Variants in ENOSF1 observed in about 807,000 individuals in gnomAD.
ENOSF1 encodes mitochondrial enolase superfamily member 1.
In ENOSF1, 73 loss-of-function variants were observed where a neutral mutation model predicts 68.2. That is an observed-to-expected ratio of 1.07 (90% CI 0.89 to 1.30). ENOSF1 has a LOEUF of 1.30. ENOSF1 is among the 50% of genes most tolerant of loss of function. The pLI is 0.00. For synonymous variants in ENOSF1, 223 were observed against 210.4 expected (o/e 1.06, Z -0.52); for missense variants, 589 against 554.5 (o/e 1.06, Z -0.62).
chr18:710,575 C>T (rs754191405), intron 1 of ENOSF1, among the ~76,000 whole-genome samples: 5 of 152,192 alleles, frequency 3.3e-5, no homozygotes, highest in African/African-American at 7.2e-5. Flanking sequence ...AATGCAGTGG[C>T]ATGATCATAG....
At chr18:703,666 G>T (rs1393208247) in intron 2 of ENOSF1, among the ~76,000 whole-genome samples, 1 of 152,180 alleles carries the variant, frequency 6.6e-6, no homozygotes, top group Admixed American at 6.6e-5. Flanking sequence ...TGCTCTTCGA[G>T]ACTCACCTCA....
rs111825549 is a variant in ENOSF1 at position 695,322 on chromosome 18, T to C, written c.310-988A>G. Among the ~76,000 whole-genome samples, 719 of 152,346 alleles carry C rather than the reference T, an allele frequency of 4.7e-3. 6 individuals are homozygous for C. The highest frequency in any genetic ancestry group is 0.016 in the African/African-American group (676 of 41,584). On this transcript the variant is annotated intron_variant, in intron 3 of 15. Transcript: ENST00000647584. ...GGCATCAATACTACATAAGTGATTA[T>C]GTCATTTTGTTTTATTATTAGGATT...
chr18:688,620 G>C lies in ENOSF1; in HGVS notation c.619-12C>G, dbSNP rs543799760. On this transcript the variant is annotated splice_polypyrimidine_tract_variant and intron_variant, in intron 8 of 15. Coordinates refer to ENST00000647584, the MANE Select transcript of ENOSF1 (RefSeq NM_017512.7). ...GCCTGGGCACAGAGCTGTGGGAAAG[G>C]AGCACAGGGTCACACACTGGAGAGA... 1.2e-6 allele frequency: 2 copies of C among 1,613,654 alleles called. No individual in the cohort carries two copies. The highest frequency in any genetic ancestry group is 1.7e-6 in the Non-Finnish European group (2 of 1,179,642).
chr18:694,262 T>G lies in ENOSF1; in HGVS notation c.382A>C (p.Lys128Gln). The change falls in exon 4 of 16, where the codon AAG becomes CAG. Residue 128 changes from lysine to glutamine, a missense_variant. Physicochemically the swap from Lys to Gln is moderately conservative, Grantham distance 53. Coordinates refer to ENST00000647584, the MANE Select transcript of ENOSF1 (RefSeq NM_017512.7). ...AGAGGGGTTACCTTTCCCTCCTGCT[T>G]GGCCCACAAGTCCCACACCGCGTTT... ...VLNAVWDLWAKQEGKPVWKLL... is the reference protein window; with the variant it reads ...VLNAVWDLWAQQEGKPVWKLL... 1 of 1,614,190 alleles carries G rather than the reference T, an allele frequency of 6.2e-7. No homozygotes were observed. The highest frequency in any genetic ancestry group is 8.5e-7 in the Non-Finnish European group (1 of 1,180,036).
At chr18:669,175 T>G, downstream of ENOSF1, 1 of 1,613,536 alleles carries the variant, frequency 6.2e-7, no homozygotes, top group Non-Finnish European at 8.5e-7. Flanking sequence ...ATCCAAGAGG[T>G]TGAAAGAACC....
Position 697,304 on chromosome 18 carries a change from T to C in ENOSF1, c.245A>G (p.Lys82Arg). ...LAHHVLNKDL[K>R]DIVGDFRGFY... is the part of the protein sequence containing the mutation. ...GCCTCTGAAGTCACCAACAATGTCCTTGAGGTCCTTGTTGAGCACATGGTG... is the reference window on the plus strand; with the variant it reads ...GCCTCTGAAGTCACCAACAATGTCCCTGAGGTCCTTGTTGAGCACATGGTG... Residue 82 changes from lysine (K) to arginine (R), a missense_variant, in exon 3 of 16, where the codon AAG (lysine) becomes AGG (arginine). Transcript: ENST00000647584. The C allele has an allele frequency of 1.2e-6, 2 of 1,614,016 alleles. No homozygotes were observed. Among genetic ancestry groups the C allele is most frequent in the Non-Finnish European group, 1.7e-6 (2 of 1,179,930 alleles).
rs1439260586 is a variant in ENOSF1 at position 677,824 on chromosome 18, G to A, written c.967C>T (p.Gln323Ter). 6.2e-7 allele frequency: 1 copy of A among 1,614,154 alleles called. No individual in the cohort carries two copies. Among genetic ancestry groups the A allele is most frequent in the Non-Finnish European group, 8.5e-7 (1 of 1,180,010 alleles). The change falls in exon 13 of 16, where the codon CAG becomes TAG. Residue 323 changes from glutamine (Q) to a stop codon, truncating the protein, a stop_gained. Coordinates refer to ENST00000647584, the MANE Select transcript of ENOSF1 (RefSeq NM_017512.7). LOFTEE classifies it high-confidence loss of function. Reference protein sequence around the residue: ...FKQLLQAKALQFLQIDSCRLG... With the variant: ...FKQLLQAKAL ...CTGCAACTGTCAATCTGGAGGAACT[G>A]CAGGGCCTTCGCCTGTAGGAGTTGC...
downstream of ENOSF1, among the ~76,000 whole-genome samples, chr18:666,304 T>C (rs2074815012): frequency 6.6e-6 from 1 of 151,960 alleles, no homozygotes; most frequent in African/African-American, 2.4e-5. Flanking sequence ...TGCTTTGTTG[T>C]GGCTTTAATC....
chr18:703,448 A>G (rs1001283729), intron 2 of ENOSF1, among the ~76,000 whole-genome samples: 2 of 152,194 alleles, frequency 1.3e-5, no homozygotes, highest in Non-Finnish European at 2.9e-5. Flanking sequence ...TAGGGTTTGC[A>G]GTATGGAGAA....
intron 5 of ENOSF1, chr18:692,769 C>T (rs1349621027): frequency 2.0e-6 from 2 of 999,938 alleles, no homozygotes; most frequent in Admixed American, 1.1e-4. Context: ...AAAACGCCAA[C>T]CTTGAATCTA....
chr18:704,763 G>A (rs1426698724), intron 2 of ENOSF1, among the ~76,000 whole-genome samples: 3 of 151,798 alleles, frequency 2.0e-5, no homozygotes, highest in Non-Finnish European at 4.4e-5. Context: ...GCATCACCAC[G>A]GCCAGGTAAT....
downstream of ENOSF1, among the ~76,000 whole-genome samples, chr18:666,921 AGATGGT>A (rs1269844514): frequency 9.9e-3 from 333 of 33,478 alleles, 63 homozygotes; most frequent in East Asian, 0.048. Flanking sequence ...ATGGTGATGG[AGATGGT>A]GATGGTGATG....
In ENOSF1 at chr18:670,863, T is replaced by C; in HGVS notation, c.*3442A>G. The C allele has an allele frequency of 6.2e-7, 1 of 1,613,942 alleles. No homozygotes were observed. The highest frequency in any genetic ancestry group is 8.5e-7 in the Non-Finnish European group (1 of 1,179,932). On this transcript the variant is annotated 3_prime_UTR_variant, in exon 16 of 16. Transcript: ENST00000647584. Reference sequence around the variant, plus strand: ...TACATGATTGCGCACATCACGGGCCTGAAGGTGGGCTGTCTCGGGAAGGGT... The same window carrying C: ...TACATGATTGCGCACATCACGGGCCCGAAGGTGGGCTGTCTCGGGAAGGGT...
chr18:677,194 G>A, intron 14 of ENOSF1, 151 bp downstream of exon 14: 1 of 644,964 alleles, frequency 1.6e-6, no homozygotes, highest in Non-Finnish European at 2.7e-6. Context: ...GTGGGTCTCT[G>A]TGAAAGCAAA....
chr18:704,089 C>T (rs1476045834), intron 2 of ENOSF1, among the ~76,000 whole-genome samples: 1 of 152,078 alleles, frequency 6.6e-6, no homozygotes, highest in African/African-American at 2.4e-5. Context: ...GGCAATTAAA[C>T]CTCTTTTTCT....
In ENOSF1 at chr18:671,005, C is replaced by CT. The variant is rs1198561166; in HGVS notation, c.*3299dup. On this transcript the variant is annotated 3_prime_UTR_variant, in exon 16 of 16. Coordinates refer to ENST00000647584, the MANE Select transcript of ENOSF1 (RefSeq NM_017512.7). ...TATGTGTAAGTAAGAAATGAACCAG[C>CT]TTTTACTTTGAAACCTTCCTCTTCT... The CT allele has an allele frequency of 9.4e-7, 1 of 1,065,232 alleles. No homozygotes were observed. The highest frequency in any genetic ancestry group is 2.6e-5 in the East Asian group (1 of 38,468). 66.0% of individuals were successfully genotyped at this position (1,065,232 alleles called of 1,614,324 possible). A position where few individuals can be genotyped will look rare whatever the true frequency, so the allele number is the denominator to read the frequency against.
intron 15 of ENOSF1, 117 bp downstream of exon 15, chr18:675,204 G>A (rs2075356553): frequency 3.8e-6 from 3 of 787,122 alleles, no homozygotes; most frequent in Non-Finnish European, 4.4e-6. Context: ...CCGTTTGTTA[G>A]TGGATATTGC....
rs566790838 is a variant in ENOSF1, at chr18:712,457, T to A, written c.84+47A>T. ...CATGGCGTCCGCGCTTACCATGGCG[T>A]CCGCGCTTACCATGGCGTCCGCGCT... On this transcript the variant is annotated intron_variant, in intron 1 of 15. Transcript: ENST00000647584. The A allele has an allele frequency of 2.7e-6, 4 of 1,489,230 alleles. No homozygotes were observed. In the South Asian group the frequency reaches 3.6e-5, roughly 13 times the overall value. 92.3% of individuals were successfully genotyped at this position (1,489,230 alleles called of 1,614,324 possible).
chr18:691,481 G>T, intron 5 of ENOSF1: 1 of 543,078 alleles, frequency 1.8e-6, no homozygotes, highest in Non-Finnish European at 3.3e-6. Flanking sequence ...GAGTAGCTGG[G>T]ACTCCAGGTA....
Sources: gnomAD v4.1 joint callset for allele counts (sites outside exome capture counted in the v4.1 genomes callset) on GRCh38, gnomAD v4.1.1 for gene constraint, MANE v1.5 for transcripts, NCBI Gene and HGNC (gene_info 2026-07-23, HGNC 2026-07-21) for gene names.